Variants in HUNK observed in about 807,000 individuals in gnomAD.
HUNK encodes hormonally up-regulated Neu-associated kinase.
Under a neutral mutation model 61.0 loss-of-function variants are expected in HUNK, and 21 were observed. The ratio of observed to expected loss-of-function variants is 0.34; its 90% CI spans 0.24 to 0.50. The LOEUF (loss-of-function observed/expected upper bound fraction) is 0.50. HUNK is among the 20% of genes least tolerant of loss of function. The pLI is 0.98. For synonymous variants in HUNK, 371 were observed against 386.1 expected (o/e 0.96, Z 0.46); for missense variants, 772 against 945.7 (o/e 0.82, Z 2.41).
chr21:31,891,459 T>C (rs551244546), intron 1 of HUNK, among the ~76,000 whole-genome samples: 1 of 152,326 alleles, frequency 6.6e-6, no homozygotes, highest in South Asian at 2.1e-4. Context: ...AACACACCCG[T>C]GATTGGCCCA....
At chr21:31,964,189 C>T (rs2052947933) in intron 5 of HUNK, among the ~76,000 whole-genome samples, 1 of 152,168 alleles carries the variant, frequency 6.6e-6, no homozygotes, top group African/African-American at 2.4e-5. Context: ...CAAAGTCAAA[C>T]TGGAGGAGAA....
At chr21:31,958,561 G>T (rs1256769093) in intron 4 of HUNK, among the ~76,000 whole-genome samples, 1 of 152,080 alleles carries the variant, frequency 6.6e-6, no homozygotes, top group East Asian at 1.9e-4. Context: ...GGCTGATGAG[G>T]CAGAGATTGA....
intron 9 of HUNK, among the ~76,000 whole-genome samples, chr21:31,994,275 C>T (rs2053189054): frequency 1.3e-5 from 2 of 152,232 alleles, no homozygotes; most frequent in South Asian, 4.1e-4. Flanking sequence ...CCCTAGAGAG[C>T]TGTAGCCCCT....
intron 1 of HUNK, among the ~76,000 whole-genome samples, chr21:31,899,310 A>G (rs1257489439): frequency 6.6e-6 from 1 of 152,184 alleles, no homozygotes; most frequent in Non-Finnish European, 1.5e-5. Context: ...CTCTCCCTGA[A>G]TGCTGTAGGG....
chr21:31,973,181 A>G (rs1233672627), intron 6 of HUNK, among the ~76,000 whole-genome samples: 1 of 151,886 alleles, frequency 6.6e-6, no homozygotes, highest in African/African-American at 2.4e-5. Context: ...TTTTTATTAT[A>G]CTTTTAAGTT....
At chr21:31,973,484 C>T (rs1372752524) in intron 6 of HUNK, among the ~76,000 whole-genome samples, 1 of 152,094 alleles carries the variant, frequency 6.6e-6, no homozygotes, top group East Asian at 1.9e-4. Context: ...TTAGAATGTT[C>T]TTTTGACACA....
chr21:31,877,229 GGT>G (rs374661802), intron 1 of HUNK, among the ~76,000 whole-genome samples: 2 of 151,544 alleles, frequency 1.3e-5, no homozygotes, highest in African/African-American at 4.8e-5. Flanking sequence ...TTGGTATGGG[GGT>G]GTGTGTGTGT....
In HUNK at chr21:31,999,922, T is replaced by A. The variant is rs2053234970; in HGVS notation, c.*738T>A. On this transcript the variant is annotated 3_prime_UTR_variant, in exon 11 of 11. Coordinates refer to ENST00000270112, the MANE Select transcript of HUNK (RefSeq NM_014586.2). ...GGTAAATTGAAATAACATAATTTTT[T>A]AAAACTTGGATGGAGAGATGAGAAG... 2.6e-6 allele frequency: 1 copy of A among 380,848 alleles called. No individual in the cohort carries two copies. Among genetic ancestry groups the A allele is most frequent in the Non-Finnish European group, 4.6e-6 (1 of 215,152 alleles). 23.6% of individuals were successfully genotyped at this position (380,848 alleles called of 1,614,324 possible). A position where few individuals can be genotyped will look rare whatever the true frequency, so the allele number is the denominator to read the frequency against.
At chr21:31,934,235 C>A (rs1181837133) in intron 2 of HUNK, among the ~76,000 whole-genome samples, 3 of 151,872 alleles carry the variant, frequency 2.0e-5, no homozygotes, top group African/African-American at 7.3e-5. Flanking sequence ...GCGGGCGGAT[C>A]ACGAGGTCAG....
At chr21:31,916,683 T>TC (rs1032050815) in intron 1 of HUNK, among the ~76,000 whole-genome samples, 1 of 151,636 alleles carries the variant, frequency 6.6e-6, no homozygotes, top group African/African-American at 2.4e-5. Flanking sequence ...CTCTTTCTTT[T>TC]TTTTTTTTTC....
At chr21:31,886,904 G>A (rs1346528287) in intron 1 of HUNK, among the ~76,000 whole-genome samples, 5 of 152,198 alleles carry the variant, frequency 3.3e-5, no homozygotes, top group Non-Finnish European at 7.3e-5. Flanking sequence ...GCCTCCCAAA[G>A]TGCTGGGTGG....
chr21:31,905,392 T>G (rs751222955), intron 1 of HUNK, among the ~76,000 whole-genome samples: 11 of 152,220 alleles, frequency 7.2e-5, no homozygotes, highest in Non-Finnish European at 1.3e-4. Flanking sequence ...GATACTTTGT[T>G]GTGACAGCCC....
intron 6 of HUNK, among the ~76,000 whole-genome samples, chr21:31,970,180 A>G (rs2053000340): frequency 6.6e-6 from 1 of 152,186 alleles, no homozygotes; most frequent in Non-Finnish European, 1.5e-5. Flanking sequence ...ACCAAGCCTT[A>G]TGAAAGCAGA....
Position 31,995,851 on chromosome 21 carries a change from G to C in HUNK, c.1389G>C (p.Ser463=). 6.2e-7 allele frequency: 1 copy of C among 1,613,818 alleles called. No homozygotes were observed. The highest frequency in any genetic ancestry group is 8.5e-7 in the Non-Finnish European group (1 of 1,179,734). The change falls in exon 10 of 11, where the codon TCG becomes TCC. Residue 463 remains serine, a synonymous_variant. Transcript: ENST00000270112. ...AGAAGTTGGACAAGAACCTGCCCTCGCACAAACAGCCCTCAGGCTCGCTTA... is the reference window on the plus strand; with the variant it reads ...AGAAGTTGGACAAGAACCTGCCCTCCCACAAACAGCCCTCAGGCTCGCTTA... ...FSKKLDKNLP[S]HKQPSGSLMT...
At chr21:31,942,725 A>G (rs566648644) in intron 3 of HUNK, among the ~76,000 whole-genome samples, 1 of 152,168 alleles carries the variant, frequency 6.6e-6, no homozygotes, top group Non-Finnish European at 1.5e-5. Context: ...TTTGGGACAA[A>G]ATCGGCTCCT....
chr21:31,992,078 C>T (rs2053175532), intron 9 of HUNK, among the ~76,000 whole-genome samples: 1 of 152,252 alleles, frequency 6.6e-6, no homozygotes, highest in Admixed American at 6.5e-5. Context: ...GACTTCCGGA[C>T]TGCCGAGCTG....
At chr21:31,876,156 T>A (rs1417650230) in intron 1 of HUNK, among the ~76,000 whole-genome samples, 3 of 152,210 alleles carry the variant, frequency 2.0e-5, no homozygotes, top group Non-Finnish European at 4.4e-5. Flanking sequence ...CAGGAGATGT[T>A]AATTGGATGT....
At chr21:31,880,161 C>T (rs1346068556) in intron 1 of HUNK, among the ~76,000 whole-genome samples, 1 of 152,162 alleles carries the variant, frequency 6.6e-6, no homozygotes, top group Admixed American at 6.5e-5. Context: ...TTCAGGGTGC[C>T]CCTCCCGTGC....
At chr21:31,954,686 G>A (rs185898865) in intron 4 of HUNK, among the ~76,000 whole-genome samples, 64 of 152,274 alleles carry the variant, frequency 4.2e-4, no homozygotes, top group African/African-American at 1.3e-3. Context: ...TTTTGAGTAC[G>A]CATCAGAAGC....
Sources: gnomAD v4.1 joint callset for allele counts (sites outside exome capture counted in the v4.1 genomes callset) on GRCh38, gnomAD v4.1.1 for gene constraint, MANE v1.5 for transcripts, NCBI Gene and HGNC (gene_info 2026-07-23, HGNC 2026-07-21) for gene names.